The following SCN3B variants were observed in gnomAD, a reference collection of about 807,000 sequenced individuals.
SCN3B encodes sodium voltage-gated channel beta subunit 3.
In SCN3B, 11 loss-of-function variants were observed where a neutral mutation model predicts 25.4. That is an observed-to-expected ratio of 0.43 (90% CI 0.27 to 0.72). SCN3B has a LOEUF of 0.72. Ranked by LOEUF, SCN3B falls within the 30% of genes least tolerant of loss-of-function variation. The pLI is 0.18. For synonymous variants in SCN3B, 109 were observed against 110.7 expected, an observed-to-expected ratio of 0.99 and a Z score of 0.09; for missense variants, 218 against 278.3, an observed-to-expected ratio of 0.78 and a Z score of 1.54.
At chr11:123,645,186 T>C (rs966898101) in intron 3 of SCN3B, among the ~76,000 whole-genome samples, 1 of 152,206 alleles carries the variant, frequency 6.6e-6, no homozygotes, top group African/African-American at 2.4e-5. Context: ...CTGCAGGAGT[T>C]AAAGGAGCTA....
chr11:123,646,494 C>T (rs1464514035), intron 2 of SCN3B, among the ~76,000 whole-genome samples: 6 of 152,182 alleles, frequency 3.9e-5, no homozygotes, highest in South Asian at 2.1e-4. Context: ...AATTCTGACA[C>T]ATGGTGGAGG....
At chr11:123,636,971 C>T (rs913023049) in intron 5 of SCN3B, among the ~76,000 whole-genome samples, 1 of 152,250 alleles carries the variant, frequency 6.6e-6, no homozygotes, top group South Asian at 2.1e-4. Flanking sequence ...GGATTACAGA[C>T]GAGAGCCACC....
chr11:123,646,072 G>A (rs1013498077), intron 2 of SCN3B, among the ~76,000 whole-genome samples: 2 of 152,124 alleles, frequency 1.3e-5, no homozygotes, highest in Admixed American at 6.5e-5. Context: ...ATGGGAGACA[G>A]GGCATCTACC....
At chr11:123,654,125 G>T (rs976125894) in intron 1 of SCN3B, 101 bp downstream of exon 1, 4 of 478,992 alleles carry the variant, frequency 8.4e-6, no homozygotes, top group East Asian at 3.9e-5. Flanking sequence ...TTCCACTCGC[G>T]CCCCTGCCTC....
At chr11:123,635,160 G>C (rs1006413700) in intron 5 of SCN3B, among the ~76,000 whole-genome samples, 7 of 152,230 alleles carry the variant, frequency 4.6e-5, no homozygotes, top group African/African-American at 1.7e-4. Flanking sequence ...TAGTATGAGA[G>C]ATGGGGAATC....
intron 3 of SCN3B, among the ~76,000 whole-genome samples, chr11:123,643,672 C>T (rs187033105): frequency 8.5e-5 from 13 of 152,322 alleles, no homozygotes; most frequent in African/African-American, 2.2e-4. Context: ...TTGCTGTTGC[C>T]GTTTTATTTT....
chr11:123,643,162 C>T (rs1481525247), intron 3 of SCN3B, among the ~76,000 whole-genome samples: 2 of 152,144 alleles, frequency 1.3e-5, no homozygotes, highest in East Asian at 1.9e-4. Flanking sequence ...TATGAAAGCC[C>T]TGGCTTTAAA....
At chr11:123,644,803 ATAT>A (rs1382657864) in intron 3 of SCN3B, among the ~76,000 whole-genome samples, 44 of 23,866 alleles carry the variant, frequency 1.8e-3, no homozygotes, top group Middle Eastern at 0.014. Flanking sequence ...GAGAGAGAAT[ATAT>A]ATATATATAT....
intron 1 of SCN3B, 119 bp from the exon 2 acceptor site, chr11:123,653,945 G>T: frequency 1.0e-6 from 1 of 957,314 alleles, no homozygotes; most frequent in Non-Finnish European, 1.7e-6. Flanking sequence ...GCCGAGCACC[G>T]GTGCCTGGGG....
intron 5 of SCN3B, 151 bp from the exon 6 acceptor site, chr11:123,634,357 G>T (rs1484710956): frequency 2.9e-6 from 2 of 701,028 alleles, no homozygotes; most frequent in Non-Finnish European, 5.1e-6. Flanking sequence ...AACCTTTTCT[G>T]CAGATTAAAA....
chr11:123,654,180 C>A, intron 1 of SCN3B, 46 bp downstream of exon 1: 2 of 368,546 alleles, frequency 5.4e-6, no homozygotes, highest in Non-Finnish European at 1.0e-5. Context: ...GGGAGTCGCA[C>A]TGCTGGCCTA....
intron 5 of SCN3B, among the ~76,000 whole-genome samples, chr11:123,637,070 A>C (rs1444946254): frequency 6.6e-6 from 1 of 152,178 alleles, no homozygotes; most frequent in African/African-American, 2.4e-5. Flanking sequence ...CAATGTTGCT[A>C]GAAATCTGTG....
intron 4 of SCN3B, chr11:123,640,690 G>C (rs897620453): frequency 6.6e-6 from 1 of 152,038 alleles, no homozygotes; most frequent in Non-Finnish European, 1.5e-5. Flanking sequence ...TGTTCTCCCA[G>C]CCACAAAAAG....
intron 2 of SCN3B, 75 bp downstream of exon 2, chr11:123,653,672 A>G (rs1486394079): frequency 2.1e-5 from 32 of 1,541,566 alleles, no homozygotes; most frequent in South Asian, 5.6e-5. Context: ...TCTGTCACCA[A>G]CGACATCAAT....
In SCN3B at chr11:123,629,486, C is replaced by T. The variant is rs960021429; in HGVS notation, c.*4313G>A. On this transcript the variant is annotated 3_prime_UTR_variant, in exon 7 of 7. Coordinates refer to ENST00000299333, the MANE Select transcript of SCN3B (RefSeq NM_001040151.2). ...GACCGAGTTTGATATATAAATCAGACTTGCTTGGAAGTGCTTATCTCCTGC... is the reference window on the plus strand; with the variant it reads ...GACCGAGTTTGATATATAAATCAGATTTGCTTGGAAGTGCTTATCTCCTGC... The T allele has an allele frequency of 1.3e-5, 2 of 152,284 alleles. No individual in the cohort carries two copies. The highest frequency in any genetic ancestry group is 6.5e-5 in the Admixed American group (1 of 15,284). 9.4% of individuals were successfully genotyped at this position (152,284 alleles called of 1,614,324 possible).
At chr11:123,649,834 G>T (rs1955903261) in intron 2 of SCN3B, among the ~76,000 whole-genome samples, 1 of 152,018 alleles carries the variant, frequency 6.6e-6, no homozygotes, top group Admixed American at 6.6e-5. Context: ...CCCCTGAGTA[G>T]CTGGGATTAC....
At chr11:123,635,634 C>T (rs990188502) in intron 5 of SCN3B, among the ~76,000 whole-genome samples, 3 of 151,264 alleles carry the variant, frequency 2.0e-5, no homozygotes, top group Non-Finnish European at 4.4e-5. Context: ...TGGAGTGAGC[C>T]GAGATCGCGC....
At chr11:123,637,434 C>CT (rs1361243129) in intron 5 of SCN3B, among the ~76,000 whole-genome samples, 2 of 152,208 alleles carry the variant, frequency 1.3e-5, no homozygotes, top group South Asian at 2.1e-4. Context: ...AGCCTTTCCT[C>CT]TTACCATCTG....
chr11:123,641,151 C>T (rs1179286178), intron 4 of SCN3B: 1 of 152,370 alleles, frequency 6.6e-6, no homozygotes, highest in Non-Finnish European at 1.5e-5. Context: ...CGCCAGGGCC[C>T]CACCCCCCAG....
Sources: allele counts gnomAD v4.1 joint callset (sites outside exome capture counted in the v4.1 genomes callset), GRCh38; gene constraint gnomAD v4.1.1; transcripts MANE v1.5; gene names NCBI Gene and HGNC (gene_info 2026-07-23, HGNC 2026-07-21).